The following FBH1 variants were observed in gnomAD, a reference collection of about 807,000 sequenced individuals.
FBH1 encodes F-box DNA helicase 1, also known as DNA 3'-5' helicase 1.
Under a neutral mutation model 115.5 loss-of-function variants are expected in FBH1, and 43 were observed. The ratio of observed to expected loss-of-function variants is 0.37; its 90% confidence interval spans 0.29 to 0.48. FBH1 has a LOEUF of 0.48. Ranked by LOEUF, FBH1 falls within the 20% of genes least tolerant of loss-of-function variation. The pLI, the probability that FBH1 is intolerant of heterozygous loss-of-function variation, is 0.99. For synonymous variants in FBH1, 524 were observed against 507.8 expected (o/e 1.03, Z -0.43); for missense variants, 1,001 against 1,337.3 (o/e 0.75, Z 3.92).
rs1273139939 is a variant in FBH1 at position 5,906,477 on chromosome 10, C to G, written c.598C>G (p.Leu200Val). ...DPIPDSYYGL[L>V]GTLPCQEALS... ...CATTCCTGACTCATACTATGGGCTT[C>G]TTGGGACCTTGCCCTGCCAGGAAGC... The change falls in exon 3 of 21, where the codon CTT becomes GTT. Residue 200 changes from leucine (L) to valine (V), a missense_variant. Leu to Val is a conservative substitution (Grantham distance 32). This residue lies in a region of FBH1 where 420 missense variants were observed against 430.4 expected (regional missense o/e 0.98). Transcript: ENST00000362091. The surrounding 1 kb of genome is among the most constrained non-coding windows in gnomAD (Gnocchi z 7.3). 6.2e-7 allele frequency: 1 copy of G among 1,614,156 alleles called. No individual in the cohort carries two copies. Among genetic ancestry groups the G allele is most frequent in the Non-Finnish European group, 8.5e-7 (1 of 1,180,026 alleles).
Position 5,933,550 on chromosome 10 carries a change from G to T in FBH1, c.2830-2906G>T, listed in dbSNP as rs1833096291. On this transcript the variant is annotated intron_variant, in intron 19 of 20. Coordinates refer to ENST00000362091, the MANE Select transcript of FBH1 (RefSeq NM_178150.3). This position sits in a 1 kb window ranked among gnomAD's most constrained non-coding sequence, Gnocchi z 4.9. ...CTGGGGTGGGCTGTCTGCCCTCAGG[G>T]GTCCTGCGAGGAAGTCCCAGAAAAA... Among the ~76,000 whole-genome samples the T allele has an allele frequency of 6.6e-6, 1 of 152,164 alleles. No homozygotes were observed. The highest frequency in any genetic ancestry group is 2.1e-4 in the South Asian group (1 of 4,832).
Position 5,897,001 on chromosome 10 carries a change from G to A in FBH1, c.2-6019G>A, listed in dbSNP as rs963124595. Among the ~76,000 whole-genome samples, 14 of 152,288 alleles carry A rather than the reference G, an allele frequency of 9.2e-5. No homozygotes were observed. The highest frequency in any genetic ancestry group is 1.9e-4 in the Non-Finnish European group (13 of 68,028). ...GGTATATTAATAAGAATAGAAGGGT[G>A]ATTAGAATTCTAGTGTAGTGTTTTG... is the stretch of plus-strand genomic sequence containing the variant. On this transcript the variant is annotated intron_variant, in intron 1 of 20. Coordinates refer to ENST00000362091, the MANE Select transcript of FBH1 (RefSeq NM_178150.3). This position sits in a 1 kb window ranked among gnomAD's most constrained non-coding sequence, Gnocchi z 4.7.
In FBH1 at chr10:5,914,070, T is replaced by G; in HGVS notation, c.1305-108T>G. 9.2e-7 allele frequency: 1 copy of G among 1,089,646 alleles called. No individual in the cohort carries two copies. Among genetic ancestry groups the G allele is most frequent in the Middle Eastern group, 2.1e-4 (1 of 4,812 alleles). 67.5% of individuals were successfully genotyped at this position (1,089,646 alleles called of 1,614,324 possible). ...TTCTCGTAAGGGGAGGCCTTTTTTT[T>G]GGTCAGCTTTTGTTTATCCAGTTTG... On this transcript the variant is annotated intron_variant, in intron 7 of 20. Transcript: ENST00000362091. This position sits in a 1 kb window ranked among gnomAD's most constrained non-coding sequence, Gnocchi z 5.2.
At position 5,932,822 on chromosome 10, in the gene FBH1, A is replaced by G. The variant is rs1002036479; in HGVS notation, c.2830-3634A>G. ...AACCTCCGCCTCCCAGGCTCAAGCC[A>G]TCCTCCCACCTCAGCCTCCCGAGCA... On this transcript the variant is annotated intron_variant, in intron 19 of 20. Coordinates refer to ENST00000362091, the MANE Select transcript of FBH1 (RefSeq NM_178150.3). This position sits in a 1 kb window ranked among gnomAD's most constrained non-coding sequence, Gnocchi z 5.9. Among the ~76,000 whole-genome samples the G allele has an allele frequency of 2.0e-5, 3 of 152,094 alleles. No individual in the cohort carries two copies. Among genetic ancestry groups the G allele is most frequent in the Non-Finnish European group, 2.9e-5 (2 of 68,014 alleles).
rs751046485 is a variant in FBH1 at position 5,917,643 on chromosome 10, A to G, written c.1930A>G (p.Ile644Val). 33 of 1,614,030 alleles carry G rather than the reference A, an allele frequency of 2.0e-5. No homozygotes were observed. Among genetic ancestry groups the G allele is most frequent in the Non-Finnish European group, 1.7e-6 (2 of 1,180,020 alleles). Residue 644 changes from isoleucine to valine, a missense_variant, in exon 12 of 21, where the codon ATC becomes GTC. By Grantham distance (29) the Ile-to-Val change is conservative. This residue lies in a region of FBH1 where 521 missense variants were observed against 811.0 expected (regional missense o/e 0.64). Coordinates refer to ENST00000362091, the MANE Select transcript of FBH1 (RefSeq NM_178150.3). This position sits in a 1 kb window ranked among gnomAD's most constrained non-coding sequence, Gnocchi z 5.6. ...GCCTTCGCTGGCCTCTTTTGACGCC[A>G]TCTTTGTGGATGAGGCCCAGGACTG... ...SKPSLASFDA[I>V]FVDEAQDCTP...
intron 3 of FBH1, among the ~76,000 whole-genome samples, chr10:5,908,114 A>G (rs139034559): frequency 6.6e-6 from 1 of 151,018 alleles, no homozygotes; most frequent in Non-Finnish European, 1.5e-5. Flanking sequence ...CAGTGTTGAA[A>G]TCTCCTTCTA....
At position 5,936,425 on chromosome 10, in the gene FBH1, A is replaced by G. The variant is rs73616499; in HGVS notation, c.2830-31A>G. 2.5e-3 allele frequency: 3,948 copies of G among 1,609,998 alleles called. 64 individuals carry two copies. The African/African-American group carries it at 0.041, about 17-fold the overall frequency. ...AGTAGACCCTAACGGAGGTGTCGCCATGACTCTCTTTCTCGCTCTTTCTTT... is the reference window on the plus strand; with the variant it reads ...AGTAGACCCTAACGGAGGTGTCGCCGTGACTCTCTTTCTCGCTCTTTCTTT... On this transcript the variant is annotated intron_variant, in intron 19 of 20. Coordinates refer to ENST00000362091, the MANE Select transcript of FBH1 (RefSeq NM_178150.3). The surrounding 1 kb of genome is among the most constrained non-coding windows in gnomAD (Gnocchi z 5.6).
chr10:5,900,452 G>A lies in FBH1; in HGVS notation c.2-2568G>A, dbSNP rs965084668. Among the ~76,000 whole-genome samples the A allele has an allele frequency of 3.3e-5, 5 of 152,280 alleles. No individual in the cohort carries two copies. The highest frequency in any genetic ancestry group is 1.9e-4 in the East Asian group (1 of 5,180). On this transcript the variant is annotated intron_variant, in intron 1 of 20. Transcript: ENST00000362091. The surrounding 1 kb of genome is among the most constrained non-coding windows in gnomAD (Gnocchi z 4.2). ...AGCCCAGCCCTCCCGCCAGGCCCTC[G>A]CCGGCTCACCACGCTGCGCTGTGCT...
At position 5,932,480 on chromosome 10, in the gene FBH1, T is replaced by G. The variant is rs1833021251; in HGVS notation, c.2830-3976T>G. On this transcript the variant is annotated intron_variant, in intron 19 of 20. Transcript: ENST00000362091. This position sits in a 1 kb window ranked among gnomAD's most constrained non-coding sequence, Gnocchi z 5.9. ...AATTAGGAAATCCCTCTTTATCAGC[T>G]CACAGAGCTCTCTCGCCTCTTGGTC... 6.6e-6 allele frequency among the ~76,000 whole-genome samples: 1 copy of G among 152,324 alleles called. No homozygotes were observed. The highest frequency in any genetic ancestry group is 1.9e-4 in the East Asian group (1 of 5,192).
Position 5,895,508 on chromosome 10 carries a change from A to G in FBH1, c.1+5162A>G, listed in dbSNP as rs1842955112. On this transcript the variant is annotated intron_variant, in intron 1 of 20. Coordinates refer to ENST00000362091, the MANE Select transcript of FBH1 (RefSeq NM_178150.3). This position sits in a 1 kb window ranked among gnomAD's most constrained non-coding sequence, Gnocchi z 5.0. Reference sequence around the variant, plus strand: ...AGAGGAAGAAAGGAAATTATTTGGTATCCATTTCAAATGATCCTGAATGGT... The same window carrying G: ...AGAGGAAGAAAGGAAATTATTTGGTGTCCATTTCAAATGATCCTGAATGGT... Among the ~76,000 whole-genome samples the G allele has an allele frequency of 6.6e-6, 1 of 152,166 alleles. No homozygotes were observed. Among genetic ancestry groups the G allele is most frequent in the African/African-American group, 2.4e-5 (1 of 41,442 alleles).
chr10:5,931,735 C>T lies in FBH1; in HGVS notation c.2829+4194C>T, dbSNP rs1056936542. Among the ~76,000 whole-genome samples, 1 of 152,046 alleles carries T rather than the reference C, an allele frequency of 6.6e-6. No homozygotes were observed. The highest frequency in any genetic ancestry group is 2.4e-5 in the African/African-American group (1 of 41,370). On this transcript the variant is annotated intron_variant, in intron 19 of 20. Coordinates refer to ENST00000362091, the MANE Select transcript of FBH1 (RefSeq NM_178150.3). This position sits in a 1 kb window ranked among gnomAD's most constrained non-coding sequence, Gnocchi z 4.3. Reference sequence around the variant, plus strand: ...CTTTTTGCTTTTGTGGTTTTATTACCAACTTAATTTGCAGTTAGACATGTA... The same window carrying T: ...CTTTTTGCTTTTGTGGTTTTATTACTAACTTAATTTGCAGTTAGACATGTA...
chr10:5,915,861 G>C lies in FBH1; in HGVS notation c.1565+290G>C, dbSNP rs1831895199. 13 of 488,090 alleles carry C rather than the reference G, an allele frequency of 2.7e-5. No homozygotes were observed. Among genetic ancestry groups the C allele is most frequent in the Middle Eastern group, 5.5e-4 (1 of 1,802 alleles). The allele number at this position is 488,090 out of a possible 1,614,324, so 30.2% of individuals were successfully genotyped here. On this transcript the variant is annotated intron_variant, in intron 9 of 20. Transcript: ENST00000362091. The surrounding 1 kb of genome is among the most constrained non-coding windows in gnomAD (Gnocchi z 5.2). ...TAAAGTTCAGAGTCTCACAAATCCT[G>C]ATCAGTTGTAGGCTTTTCTTGGAAG...
Position 5,925,145 on chromosome 10 carries a change from C to T in FBH1, c.2597-222C>T. 1 of 536,438 alleles carries T rather than the reference C, an allele frequency of 1.9e-6. No homozygotes were observed. Among genetic ancestry groups the T allele is most frequent in the South Asian group, 2.1e-5 (1 of 47,020 alleles). The allele number at this position is 536,438 out of a possible 1,614,324, so 33.2% of individuals were successfully genotyped here. Reference sequence around the variant, plus strand: ...TGTGATTCCGAGAGGCGTTAACTCTCCTGCAACTAATTTTCGACTTTTCCC... The same window carrying T: ...TGTGATTCCGAGAGGCGTTAACTCTTCTGCAACTAATTTTCGACTTTTCCC... On this transcript the variant is annotated intron_variant, in intron 17 of 20. Coordinates refer to ENST00000362091, the MANE Select transcript of FBH1 (RefSeq NM_178150.3). The surrounding 1 kb of genome is among the most constrained non-coding windows in gnomAD (Gnocchi z 4.6).
chr10:5,892,243 C>T (rs767434618), intron 1 of FBH1, among the ~76,000 whole-genome samples: 2 of 152,138 alleles, frequency 1.3e-5, no homozygotes, highest in Admixed American at 6.5e-5. Flanking sequence ...TCATTGGCAC[C>T]GACTTGCTCC....
rs1223178618 is a variant in FBH1, at chr10:5,935,242, A to G, written c.2830-1214A>G. 1.3e-5 allele frequency: 2 copies of G among 152,188 alleles called. No homozygotes were observed. The highest frequency in any genetic ancestry group is 6.5e-5 in the Admixed American group (1 of 15,272). 9.4% of individuals were successfully genotyped at this position (152,188 alleles called of 1,614,324 possible). ...TCAGGTACAGGATGTTCATTGCTGCATTGTTGGAAATAGTTTGGAAACAAC... is the reference window on the plus strand; with the variant it reads ...TCAGGTACAGGATGTTCATTGCTGCGTTGTTGGAAATAGTTTGGAAACAAC... On this transcript the variant is annotated intron_variant, in intron 19 of 20. Coordinates refer to ENST00000362091, the MANE Select transcript of FBH1 (RefSeq NM_178150.3). The surrounding 1 kb of genome is among the most constrained non-coding windows in gnomAD (Gnocchi z 5.2).
chr10:5,894,399 G>A, intron 1 of FBH1: 2 of 1,611,438 alleles, frequency 1.2e-6, no homozygotes, highest in Non-Finnish European at 1.7e-6. Flanking sequence ...CTTTCAAGGT[G>A]TCTAGATACA....
chr10:5,918,600 G>T lies in FBH1; in HGVS notation c.2100+122G>T. ...AGCAAATCCTTGCTTCTAAGCCATG[G>T]TTCTCAAAGTGTGGTTCTCAGGGGT... On this transcript the variant is annotated intron_variant, in intron 13 of 20. Coordinates refer to ENST00000362091, the MANE Select transcript of FBH1 (RefSeq NM_178150.3). This position sits in a 1 kb window ranked among gnomAD's most constrained non-coding sequence, Gnocchi z 4.0. 7.8e-7 allele frequency: 1 copy of T among 1,278,120 alleles called. No homozygotes were observed. Among genetic ancestry groups the T allele is most frequent in the South Asian group, 1.8e-5 (1 of 56,410 alleles). 79.2% of individuals were successfully genotyped at this position (1,278,120 alleles called of 1,614,324 possible).
Position 5,913,949 on chromosome 10 carries a change from G to T in FBH1, c.1304+110G>T. The T allele has an allele frequency of 1.1e-6, 1 of 906,776 alleles. No homozygotes were observed. Among genetic ancestry groups the T allele is most frequent in the Non-Finnish European group, 1.7e-6 (1 of 581,294 alleles). The allele number at this position is 906,776 out of a possible 1,614,324, so 56.2% of individuals were successfully genotyped here. A position where few individuals can be genotyped will look rare whatever the true frequency, so the allele number is the denominator to read the frequency against. ...TAGCAACATCATTGAGGTTAATAAT[G>T]TAAATTGTGTAAAACTCACCCATCC... On this transcript the variant is annotated intron_variant, in intron 7 of 20. Coordinates refer to ENST00000362091, the MANE Select transcript of FBH1 (RefSeq NM_178150.3). The surrounding 1 kb of genome is among the most constrained non-coding windows in gnomAD (Gnocchi z 4.4).
chr10:5,916,645 T>G (rs1831974400), intron 10 of FBH1, among the ~76,000 whole-genome samples, 189 bp downstream of exon 10: 1 of 148,508 alleles, frequency 6.7e-6, no homozygotes, highest in Non-Finnish European at 1.5e-5. Context: ...AAATGGGAAG[T>G]GTTAGGGGTC....
Sources: allele counts gnomAD v4.1 joint callset (sites outside exome capture counted in the v4.1 genomes callset), GRCh38; gene constraint gnomAD v4.1.1; regional missense constraint gnomAD v4.1.1; non-coding constraint Gnocchi (gnomAD v3.1); transcripts MANE v1.5; gene names NCBI Gene and HGNC (gene_info 2026-07-23, HGNC 2026-07-21).